Variants in NEDD9 observed in about 807,000 individuals in gnomAD.
The protein encoded by NEDD9 is enhancer of filamentation 1.
NEDD9 carries 26 observed loss-of-function variants against 76.6 expected under a neutral mutation model. The ratio of observed to expected loss-of-function variants is 0.34; its 90% CI spans 0.25 to 0.47. The LOEUF (loss-of-function observed/expected upper bound fraction) is 0.47. NEDD9 is among the 20% of genes least tolerant of loss of function. NEDD9 has a pLI of 1.00. For missense variants in NEDD9, 937 were observed against 1,058.5 expected (o/e 0.89, Z 1.59); for synonymous variants, 392 against 414.2 (o/e 0.95, Z 0.65).
intron 1 of NEDD9, among the ~76,000 whole-genome samples, chr6:11,227,016 T>C (rs1463740018): frequency 1.3e-5 from 2 of 152,216 alleles, no homozygotes; most frequent in African/African-American, 2.4e-5. Flanking sequence ...CTATGCCATA[T>C]AGTATTAAGA....
At chr6:11,229,007 A>G (rs892159950) in intron 1 of NEDD9, among the ~76,000 whole-genome samples, 7 of 152,330 alleles carry the variant, frequency 4.6e-5, no homozygotes, top group African/African-American at 1.7e-4. Flanking sequence ...CTTATGCATG[A>G]CCATATTGAC....
intron 3 of NEDD9, among the ~76,000 whole-genome samples, chr6:11,291,452 T>A (rs1760768467): frequency 6.6e-6 from 1 of 151,996 alleles, no homozygotes; most frequent in Non-Finnish European, 1.5e-5. Context: ...TTTTTTGTAT[T>A]TTTAGTAGAG....
At chr6:11,316,647 T>G (rs1249335627) in intron 2 of NEDD9, among the ~76,000 whole-genome samples, 1 of 152,236 alleles carries the variant, frequency 6.6e-6, no homozygotes, top group South Asian at 2.1e-4. Context: ...TAGTCACTAA[T>G]TCATTGAAGG....
intron 2 of NEDD9, among the ~76,000 whole-genome samples, chr6:11,329,782 T>C (rs1410304576): frequency 2.6e-5 from 4 of 152,082 alleles, no homozygotes; most frequent in African/African-American, 7.2e-5. Flanking sequence ...TGGCTGTTAC[T>C]GGCATGTAGG....
At chr6:11,221,151 G>A (rs1759129403) in intron 1 of NEDD9, among the ~76,000 whole-genome samples, 1 of 152,138 alleles carries the variant, frequency 6.6e-6, no homozygotes, top group Non-Finnish European at 1.5e-5. Context: ...GGGAGGCTGA[G>A]GTGGGCAGAT....
intron 1 of NEDD9, among the ~76,000 whole-genome samples, chr6:11,364,953 C>T (rs1245752351): frequency 1.3e-5 from 2 of 152,140 alleles, no homozygotes; most frequent in Non-Finnish European, 1.5e-5. Context: ...TCCCTGGCCT[C>T]TCTCACCCTG....
chr6:11,284,321 C>T (rs958014469), intron 3 of NEDD9, among the ~76,000 whole-genome samples: 4 of 149,576 alleles, frequency 2.7e-5, no homozygotes, highest in Non-Finnish European at 5.9e-5. Flanking sequence ...TTTGGGAGGC[C>T]GAGGCAGGCA....
chr6:11,189,939 T>C (rs900033832), intron 5 of NEDD9, 25 bp downstream of exon 5: 5 of 1,510,200 alleles, frequency 3.3e-6, no homozygotes, highest in Non-Finnish European at 4.4e-6. Context: ...TGAGTGTAGG[T>C]GTTTTATGAG....
chr6:11,278,921 G>GT (rs1760472826), intron 3 of NEDD9, among the ~76,000 whole-genome samples: 1 of 147,236 alleles, frequency 6.8e-6, no homozygotes, highest in South Asian at 2.1e-4. Flanking sequence ...AGGATAAAGA[G>GT]TTAAAAAAAA....
intron 1 of NEDD9, among the ~76,000 whole-genome samples, chr6:11,231,517 C>G (rs868273344): frequency 2.6e-5 from 4 of 152,214 alleles, no homozygotes; most frequent in African/African-American, 7.2e-5. Context: ...TGTCAATCCA[C>G]AAGCCTAGCA....
intron 3 of NEDD9, among the ~76,000 whole-genome samples, chr6:11,270,449 A>G (rs1422729954): frequency 6.7e-6 from 1 of 148,692 alleles, no homozygotes; most frequent in East Asian, 2.0e-4. Context: ...TTTTCCTACC[A>G]TCCCAGGAAT....
chr6:11,374,089 C>T (rs1175969106), intron 1 of NEDD9, among the ~76,000 whole-genome samples: 7 of 151,866 alleles, frequency 4.6e-5, no homozygotes, highest in Admixed American at 3.9e-4. Flanking sequence ...TATATATATA[C>T]ACACACACAT....
chr6:11,232,938 A>G (rs951705164), upstream of NEDD9, among the ~76,000 whole-genome samples: 7 of 152,100 alleles, frequency 4.6e-5, no homozygotes, highest in Non-Finnish European at 7.4e-5. Context: ...AAGGAGATAC[A>G]TTCTTTTTAA....
chr6:11,290,725 C>A (rs140797417), intron 3 of NEDD9, among the ~76,000 whole-genome samples: 1 of 152,290 alleles, frequency 6.6e-6, no homozygotes, highest in Admixed American at 6.5e-5. Flanking sequence ...GTGAACACTG[C>A]GCTGGGCTGT....
At chr6:11,295,892 G>T (rs951697217) in intron 3 of NEDD9, among the ~76,000 whole-genome samples, 1 of 152,160 alleles carries the variant, frequency 6.6e-6, no homozygotes, top group East Asian at 1.9e-4. Flanking sequence ...TTACACCCAC[G>T]TTAGGTGTGT....
At chr6:11,210,182 G>A (rs559212106) in intron 2 of NEDD9, among the ~76,000 whole-genome samples, 2 of 152,112 alleles carry the variant, frequency 1.3e-5, no homozygotes, top group South Asian at 2.1e-4. Flanking sequence ...ACTATGCAAG[G>A]AGCTCAATAA....
chr6:11,247,023 A>G (rs1444696253), intron 3 of NEDD9, among the ~76,000 whole-genome samples: 2 of 152,114 alleles, frequency 1.3e-5, no homozygotes, highest in East Asian at 3.9e-4. Context: ...CCAGCCAAAC[A>G]AGATTTGTGC....
chr6:11,356,936 G>A (rs2113545251), intron 1 of NEDD9, among the ~76,000 whole-genome samples: 2 of 152,248 alleles, frequency 1.3e-5, no homozygotes, highest in African/African-American at 4.8e-5. Flanking sequence ...GAGGACATGG[G>A]TGGGGCAACA....
chr6:11,271,187 C>T (rs1210177339), intron 3 of NEDD9, among the ~76,000 whole-genome samples: 1 of 152,190 alleles, frequency 6.6e-6, no homozygotes, highest in Non-Finnish European at 1.5e-5. Context: ...TGCCACCACA[C>T]CTGATTAATT....
Sources: allele counts gnomAD v4.1 joint callset (sites outside exome capture counted in the v4.1 genomes callset), GRCh38; gene constraint gnomAD v4.1.1; transcripts MANE v1.5; gene names NCBI Gene and HGNC (gene_info 2026-07-23, HGNC 2026-07-21).